Variants in SPTA1 observed in about 807,000 individuals in gnomAD.
SPTA1 encodes the protein spectrin alpha chain, erythrocytic 1.
In SPTA1, 177 loss-of-function variants were observed where a neutral mutation model predicts 324.7. The observed-to-expected ratio is 0.55, with a 90% confidence interval of 0.48 to 0.62. The LOEUF (loss-of-function observed/expected upper bound fraction) is 0.62, where lower values mean the gene tolerates loss of function less well. SPTA1 is among the 20% of genes least tolerant of loss of function. SPTA1 has a pLI of 0.00. For synonymous variants in SPTA1, 1,195 were observed against 1,041.3 expected (o/e 1.15, Z -2.84); for missense variants, 3,162 against 2,883.6 (o/e 1.10, Z -2.21).
At position 158,611,372 on chromosome 1, in the gene SPTA1, T is replaced by G. The variant is rs1649251469; in HGVS notation, c.7152A>C (p.Gln2384His). Residue 2384 changes from glutamine (Q) to histidine (H), a missense_variant, in exon 52 of 52, where the codon CAA (glutamine) becomes CAC (histidine). Physicochemically the swap from Gln to His is conservative, Grantham distance 24. Coordinates refer to ENST00000643759, the MANE Select transcript of SPTA1 (RefSeq NM_003126.4). ...GCATATGTGTGGCACAGAATGACAC[T>G]TGCTCTGGGGTAAGGGCCTGAAAAG... Reference protein sequence around the residue: ...EDMKQALTPEQVSFCATHMQQ... With the variant: ...EDMKQALTPEHVSFCATHMQQ... 6.2e-6 allele frequency: 10 copies of G among 1,613,686 alleles called. No homozygotes were observed. The highest frequency in any genetic ancestry group is 8.5e-6 in the Non-Finnish European group (10 of 1,179,690).
At position 158,666,436 on chromosome 1, in the gene SPTA1, C is replaced by T. The variant is rs748099352; in HGVS notation, c.2100G>A (p.Gln700=). 1 of 1,613,470 alleles carries T rather than the reference C, an allele frequency of 6.2e-7. No individual in the cohort carries two copies. ...LQFENNAEDL[Q]RWLEDVEWQV... ...GCCACTCAACATCCTCCAGCCAGCGCTGCAAATCTTCTGCATTATTTTCAA... is the reference window on the plus strand; with the variant it reads ...GCCACTCAACATCCTCCAGCCAGCGTTGCAAATCTTCTGCATTATTTTCAA... Residue 700 remains glutamine (Q), a synonymous_variant, in exon 16 of 52, where the codon CAG becomes CAA. Transcript: ENST00000643759.
intron 14 of SPTA1, 145 bp from the exon 15 acceptor site, chr1:158,668,207 T>C (rs1653753968): frequency 3.2e-6 from 3 of 936,776 alleles, no homozygotes; most frequent in Non-Finnish European, 4.8e-6. Context: ...TAGTCCAACG[T>C]TTGAGAAATT....
At chr1:158,671,801 G>A (rs1654047455) in intron 11 of SPTA1, among the ~76,000 whole-genome samples, 1 of 152,100 alleles carries the variant, frequency 6.6e-6, no homozygotes, top group African/African-American at 2.4e-5. Flanking sequence ...TTACCAATTT[G>A]ATATTTATTT....
chr1:158,682,074 G>A (rs983137209), intron 3 of SPTA1, among the ~76,000 whole-genome samples: 15 of 152,140 alleles, frequency 9.9e-5, no homozygotes, highest in Non-Finnish European at 1.6e-4. Context: ...AACTTAGCAT[G>A]AATTGTCTGC....
intron 8 of SPTA1, among the ~76,000 whole-genome samples, chr1:158,675,906 A>T (rs1057038056): frequency 2.6e-4 from 39 of 152,180 alleles, no homozygotes; most frequent in African/African-American, 8.0e-4. Context: ...TTTCCATTTA[A>T]CATTTTCAAA....
At chr1:158,620,685 G>T in intron 43 of SPTA1, 1 of 522,124 alleles carries the variant, frequency 1.9e-6, no homozygotes, top group Non-Finnish European at 3.3e-6. Context: ...GTGTGAAATT[G>T]TTTAAGTCTT....
intron 51 of SPTA1, 67 bp from the exon 52 acceptor site, chr1:158,611,456 C>T (rs1553222116): frequency 6.3e-7 from 1 of 1,580,226 alleles, no homozygotes; most frequent in Non-Finnish European, 8.7e-7. Context: ...TTGGGGCTTC[C>T]CATATTACGC....
intron 29 of SPTA1, 68 bp from the exon 30 acceptor site, chr1:158,644,464 C>CT: frequency 6.3e-7 from 1 of 1,584,082 alleles, no homozygotes; most frequent in Non-Finnish European, 8.7e-7. Flanking sequence ...TGTTACACCT[C>CT]TTTCAGGATC....
At chr1:158,653,879 A>G (rs1469771077) in intron 21 of SPTA1, among the ~76,000 whole-genome samples, 2 of 152,130 alleles carry the variant, frequency 1.3e-5, no homozygotes, top group Admixed American at 1.3e-4. Context: ...GTGTTACTTT[A>G]TTTTTTATTT....
At position 158,634,487 on chromosome 1, in the gene SPTA1, C is replaced by A. The variant is rs991294576; in HGVS notation, c.5565+56G>T. On this transcript the variant is annotated intron_variant, in intron 39 of 51. Transcript: ENST00000643759. ...ATTACAGGTAAAAACACTGACTACC[C>A]AAGAAAATAACCAAATTGAAGAGAA... The A allele has an allele frequency of 1.1e-5, 17 of 1,609,322 alleles. No homozygotes were observed. In the Admixed American group the frequency reaches 2.8e-4, roughly 27 times the overall value.
intron 39 of SPTA1, among the ~76,000 whole-genome samples, chr1:158,628,426 G>A (rs1183211694): frequency 2.6e-5 from 4 of 152,004 alleles, no homozygotes; most frequent in East Asian, 1.9e-4. Flanking sequence ...CAGGTTAAAG[G>A]AAGAAAGAGA....
chr1:158,625,718 C>A (rs1190268406), intron 42 of SPTA1, among the ~76,000 whole-genome samples: 1 of 151,494 alleles, frequency 6.6e-6, no homozygotes, highest in Non-Finnish European at 1.5e-5. Flanking sequence ...TTGCAAAATG[C>A]AGCTAAAGCT....
In SPTA1 at chr1:158,649,954, G is replaced by A. The variant is rs1241759775; in HGVS notation, c.3478-7C>T. The A allele has an allele frequency of 6.2e-7, 1 of 1,606,566 alleles. No individual in the cohort carries two copies. Among genetic ancestry groups the A allele is most frequent in the African/African-American group, 1.3e-5 (1 of 74,768 alleles). On this transcript the variant is annotated splice_region_variant and splice_polypyrimidine_tract_variant and intron_variant, in intron 24 of 51. Coordinates refer to ENST00000643759, the MANE Select transcript of SPTA1 (RefSeq NM_003126.4). ...CCCAGCGGGAATTCAATTCCTAAAA[G>A]AGGCAAAAACATCAGACTTGAGACA...
rs993022465 is a variant in SPTA1 at position 158,671,274 on chromosome 1, G to A, written c.1599+69C>T. On this transcript the variant is annotated intron_variant, in intron 12 of 51. Transcript: ENST00000643759. ...TAGTTACAGGAGCAATGCTGTCTGG[G>A]GACAGGTATTGTGTAAAATTATGTA... The A allele has an allele frequency of 1.6e-4, 182 of 1,105,876 alleles. No homozygotes were observed. In the Admixed American group the frequency reaches 3.2e-3, roughly 20 times the overall value. The allele number at this position is 1,105,876 out of a possible 1,614,324, so 68.5% of individuals were successfully genotyped here.
chr1:158,625,366 C>T (rs1334001475), intron 42 of SPTA1, among the ~76,000 whole-genome samples: 1 of 151,968 alleles, frequency 6.6e-6, no homozygotes, highest in Non-Finnish European at 1.5e-5. Context: ...TTAGCCTATC[C>T]TCAAAATTTA....
At position 158,669,696 on chromosome 1, in the gene SPTA1, C is replaced by A; in HGVS notation, c.1677+13G>T. 1 of 1,614,100 alleles carries A rather than the reference C, an allele frequency of 6.2e-7. No homozygotes were observed. The highest frequency in any genetic ancestry group is 8.5e-7 in the Non-Finnish European group (1 of 1,179,974). On this transcript the variant is annotated intron_variant, in intron 13 of 51. Coordinates refer to ENST00000643759, the MANE Select transcript of SPTA1 (RefSeq NM_003126.4). The stretch of plus-strand genomic sequence containing the variant: ...TGTGTAGGCACACAGAAGCTCTAGG[C>A]CCTTGGACATACCCCGTCACGGATA...
At chr1:158,624,329 G>T (rs1270624911) in intron 42 of SPTA1, among the ~76,000 whole-genome samples, 3 of 152,190 alleles carry the variant, frequency 2.0e-5, no homozygotes, top group Admixed American at 6.5e-5. Flanking sequence ...GCCAGCCCAT[G>T]AAAGCACCTA....
intron 2 of SPTA1, among the ~76,000 whole-genome samples, chr1:158,684,091 GGAA>G (rs146937453): frequency 0.63 from 71,894 of 114,564 alleles, 18,498 homozygotes; most frequent in Non-Finnish European, 0.69. Flanking sequence ...AGCAATTTAG[GGAA>G]GAAAAAAAAA....
chr1:158,639,981 A>G lies in SPTA1; in HGVS notation c.4764T>C (p.His1588=), dbSNP rs375629152. 1.7e-5 allele frequency: 28 copies of G among 1,613,682 alleles called. No homozygotes were observed. The highest frequency in any genetic ancestry group is 1.3e-4 in the South Asian group (12 of 91,082). The change falls in exon 34 of 52, where the codon CAT becomes CAC. Residue 1588 remains histidine (H), a synonymous_variant. Transcript: ENST00000643759. ...MKEQLEQLKE[H]WDHLLERTND... ...TTGTTCTCTCAAGCAGATGATCCCA[A>G]TGTTCCTTCAGCTGTTCCAGTTGCT...
Sources: gnomAD v4.1 joint callset for allele counts (sites outside exome capture counted in the v4.1 genomes callset) on GRCh38, gnomAD v4.1.1 for gene constraint, MANE v1.5 for transcripts, NCBI Gene and HGNC (gene_info 2026-07-23, HGNC 2026-07-21) for gene names.